The following STPG2 variants were observed in gnomAD, a reference collection of about 807,000 sequenced individuals.
STPG2 encodes sperm-tail PG-rich repeat-containing protein 2.
In STPG2, 56 loss-of-function variants were observed where a neutral mutation model predicts 54.2. The ratio of observed to expected loss-of-function variants is 1.03; its 90% CI spans 0.83 to 1.29. The LOEUF (loss-of-function observed/expected upper bound fraction) is 1.29. STPG2 is among the 50% of genes most tolerant of loss of function. The pLI is 0.00. For missense variants in STPG2, 596 were observed against 544.9 expected, an observed-to-expected ratio of 1.09 and a Z score of -0.93; for synonymous variants, 200 against 181.8, an observed-to-expected ratio of 1.10 and a Z score of -0.81.
At chr4:97,532,016 T>G (rs2148853942) in intron 4 of STPG2, among the ~76,000 whole-genome samples, 1 of 152,192 alleles carries the variant, frequency 6.6e-6, no homozygotes, top group East Asian at 1.9e-4. Flanking sequence ...CACAAAAAAA[T>G]ACAAATTAAA....
intron 10 of STPG2, among the ~76,000 whole-genome samples, chr4:97,585,799 C>G (rs565390069): frequency 2.0e-5 from 3 of 151,928 alleles, no homozygotes; most frequent in African/African-American, 7.2e-5. Flanking sequence ...AAAAATTAAA[C>G]TGTTATTAGA....
At chr4:97,777,697 A>G (rs747746830) in intron 9 of STPG2, among the ~76,000 whole-genome samples, 22 of 152,342 alleles carry the variant, frequency 1.4e-4, no homozygotes, top group Non-Finnish European at 3.1e-4. Flanking sequence ...CTGTTGCATA[A>G]AAAGATAAAT....
rs768286575 is a variant in STPG2 at position 97,981,157 on chromosome 4, A to G, written c.772+2T>C. On this transcript the variant is annotated splice_donor_variant, in intron 6 of 10. Coordinates refer to ENST00000295268, the MANE Select transcript of STPG2 (RefSeq NM_174952.3). LOFTEE classifies it high-confidence loss of function. ...GTAGACATATATAGATAAATTGCTA[A>G]CCTGGCATTTCCTCTGTCCTGATGT... The G allele has an allele frequency of 6.2e-7, 1 of 1,613,034 alleles. No homozygotes were observed. Among genetic ancestry groups the G allele is most frequent in the Non-Finnish European group, 8.5e-7 (1 of 1,179,732 alleles).
Position 97,801,175 on chromosome 4 carries a change from C to T in STPG2, c.1204+39598G>A, listed in dbSNP as rs561092907. ...CCTGCCTCAGCTCATGCTCAGTGGGCTGCACCCACTGTCCTGCACCCACCG... is the reference window on the plus strand; with the variant it reads ...CCTGCCTCAGCTCATGCTCAGTGGGTTGCACCCACTGTCCTGCACCCACCG... On this transcript the variant is annotated intron_variant, in intron 9 of 10. Coordinates refer to ENST00000295268, the MANE Select transcript of STPG2 (RefSeq NM_174952.3). Among the ~76,000 whole-genome samples the T allele has an allele frequency of 3.9e-5, 6 of 152,314 alleles. No individual in the cohort carries two copies. In the East Asian group the frequency reaches 1.2e-3, roughly 30 times the overall value.
intron 10 of STPG2, among the ~76,000 whole-genome samples, chr4:97,601,801 A>C (rs145938006): frequency 6.6e-6 from 1 of 152,020 alleles, no homozygotes; most frequent in Non-Finnish European, 1.5e-5. Flanking sequence ...ATTCTTTATA[A>C]TTGCAAATAA....
chr4:97,960,196 C>T (rs1733834664), intron 7 of STPG2, among the ~76,000 whole-genome samples: 2 of 152,154 alleles, frequency 1.3e-5, no homozygotes, highest in South Asian at 2.1e-4. Flanking sequence ...AGGGACAAAT[C>T]TCAATGTAAT....
rs542660613 is a variant in STPG2, at chr4:97,842,472, G to A, written c.1045-1540C>T. On this transcript the variant is annotated intron_variant, in intron 8 of 10. Transcript: ENST00000295268. ...GCATACAATATGCCTAGTGTAAATA[G>A]GAAAGCTTTGCGAAGATCTTGATTG... Among the ~76,000 whole-genome samples, 3 of 151,920 alleles carry A rather than the reference G, an allele frequency of 2.0e-5. No individual in the cohort carries two copies. In the South Asian group the frequency reaches 6.2e-4, roughly 32 times the overall value.
intron 10 of STPG2, among the ~76,000 whole-genome samples, chr4:97,654,263 AAAG>A (rs1485366129): frequency 6.6e-6 from 1 of 152,176 alleles, no homozygotes; most frequent in African/African-American, 2.4e-5. Flanking sequence ...ACAAAAAAAT[AAAG>A]AACATCATAA....
chr4:97,451,135 C>A (rs531090007), intron 4 of STPG2, among the ~76,000 whole-genome samples: 1 of 151,968 alleles, frequency 6.6e-6, no homozygotes, highest in African/African-American at 2.4e-5. Context: ...CAAGACTTTA[C>A]GAACTCTCAA....
intron 4 of STPG2, among the ~76,000 whole-genome samples, chr4:97,537,038 T>G (rs1162652612): frequency 6.6e-6 from 1 of 152,166 alleles, no homozygotes; most frequent in East Asian, 1.9e-4. Context: ...AGGTTTAGAA[T>G]TCTCTATTAA....
chr4:97,786,700 A>G (rs937768211), intron 9 of STPG2, among the ~76,000 whole-genome samples: 1 of 152,108 alleles, frequency 6.6e-6, no homozygotes, highest in Non-Finnish European at 1.5e-5. Context: ...TGTCCAATGC[A>G]TTCATGCTAT....
At chr4:97,979,431 C>T (rs1044158466) in intron 6 of STPG2, among the ~76,000 whole-genome samples, 3 of 152,300 alleles carry the variant, frequency 2.0e-5, no homozygotes, top group Non-Finnish European at 2.9e-5. Flanking sequence ...TTTCCCTCTT[C>T]CTGAACAGGA....
At chr4:98,055,784 T>C (rs1257471725) in intron 5 of STPG2, among the ~76,000 whole-genome samples, 2 of 152,072 alleles carry the variant, frequency 1.3e-5, no homozygotes, top group East Asian at 3.9e-4. Flanking sequence ...GTCTTGGAAA[T>C]CAGACGGGCC....
intron 5 of STPG2, among the ~76,000 whole-genome samples, chr4:98,054,858 A>T (rs1176428099): frequency 2.0e-5 from 3 of 152,190 alleles, no homozygotes; most frequent in Non-Finnish European, 4.4e-5. Flanking sequence ...TATAATTTTG[A>T]GCAAAATGTC....
intron 8 of STPG2, chr4:97,916,406 A>G (rs533411806): frequency 1.3e-5 from 2 of 152,646 alleles, no homozygotes; most frequent in Non-Finnish European, 2.9e-5. Context: ...ACATGAAGGA[A>G]GGCATCACTG....
chr4:97,467,091 T>G (rs1414560175), intron 4 of STPG2, among the ~76,000 whole-genome samples: 1 of 151,930 alleles, frequency 6.6e-6, no homozygotes, highest in Non-Finnish European at 1.5e-5. Flanking sequence ...ATCTCCAATA[T>G]CTGAAAAAGG....
At chr4:97,967,160 G>A (rs555291966) in intron 7 of STPG2, among the ~76,000 whole-genome samples, 2 of 116,234 alleles carry the variant, frequency 1.7e-5, no homozygotes, top group East Asian at 4.9e-4. Flanking sequence ...AGGGATGGAG[G>A]AAGATTTACC....
At chr4:97,457,072 G>T (rs559480486) in intron 4 of STPG2, among the ~76,000 whole-genome samples, 1 of 151,972 alleles carries the variant, frequency 6.6e-6, no homozygotes, top group African/African-American at 2.4e-5. Flanking sequence ...CTACTGATCC[G>T]AATGATCAAA....
At chr4:97,763,086 T>C (rs1725938166) in intron 9 of STPG2, among the ~76,000 whole-genome samples, 1 of 152,188 alleles carries the variant, frequency 6.6e-6, no homozygotes, top group South Asian at 2.1e-4. Context: ...GCTGATACTC[T>C]ACTATAATTC....
Sources: gnomAD v4.1 joint callset for allele counts (sites outside exome capture counted in the v4.1 genomes callset) on GRCh38, gnomAD v4.1.1 for gene constraint, MANE v1.5 for transcripts, NCBI Gene and HGNC (gene_info 2026-07-23, HGNC 2026-07-21) for gene names.